Variants in CBFA2T2 observed in about 807,000 individuals in gnomAD.
CBFA2T2 encodes CBFA2/RUNX1 partner transcriptional co-repressor 2.
CBFA2T2 carries 11 observed loss-of-function variants against 62.2 expected under a neutral mutation model. That is an observed-to-expected ratio of 0.18 (90% CI 0.11 to 0.29). The LOEUF is 0.29. CBFA2T2 is among the 10% of genes least tolerant of loss of function. CBFA2T2 has a pLI of 1.00. For synonymous variants in CBFA2T2, 295 were observed against 287.5 expected (o/e 1.03, Z -0.27); for missense variants, 592 against 774.1 (o/e 0.76, Z 2.79).
intron 1 of CBFA2T2, among the ~76,000 whole-genome samples, chr20:33,550,397 T>C (rs2012705936): frequency 6.6e-6 from 1 of 152,196 alleles, no homozygotes. Flanking sequence ...CCTATTTTAA[T>C]TAAATGGAGG....
chr20:33,523,903 C>T (rs1357476381), intron 1 of CBFA2T2, among the ~76,000 whole-genome samples: 1 of 152,086 alleles, frequency 6.6e-6, no homozygotes, highest in African/African-American at 2.4e-5. Flanking sequence ...AGACTGATCT[C>T]GAACTCCTGA....
At chr20:33,546,845 G>C (rs1324706660) in intron 1 of CBFA2T2, among the ~76,000 whole-genome samples, 1 of 151,078 alleles carries the variant, frequency 6.6e-6, no homozygotes, top group Non-Finnish European at 1.5e-5. Context: ...CAAAAGAAAA[G>C]AAAAATAACT....
rs1452348131 is a variant in CBFA2T2 at position 33,648,416 on chromosome 20, G to A, written c.*3770G>A. 6.6e-6 allele frequency: 1 copy of A among 152,302 alleles called. No individual in the cohort carries two copies. The highest frequency in any genetic ancestry group is 1.9e-4 in the East Asian group (1 of 5,186). The allele number at this position is 152,302 out of a possible 1,614,324, so 9.4% of individuals were successfully genotyped here. On this transcript the variant is annotated 3_prime_UTR_variant, in exon 11 of 11. Transcript: ENST00000342704. The stretch of plus-strand genomic sequence containing the variant: ...GCCAGATGTCCCCAGAGTTTCTTGA[G>A]GGCTGGGTTTCACGTCTTTGCTTGT...
intron 1 of CBFA2T2, among the ~76,000 whole-genome samples, chr20:33,567,525 TATA>T (rs2013377213): frequency 1.3e-5 from 2 of 152,208 alleles, no homozygotes; most frequent in African/African-American, 2.4e-5. Context: ...TTATAATTGT[TATA>T]ATGTTTTATT....
chr20:33,566,434 C>T (rs2013313552), intron 1 of CBFA2T2, among the ~76,000 whole-genome samples: 2 of 151,956 alleles, frequency 1.3e-5, no homozygotes, highest in African/African-American at 4.8e-5. Context: ...GGCGAAACCC[C>T]ATCTCTACTA....
At chr20:33,614,144 A>G (rs2015622777) in intron 3 of CBFA2T2, among the ~76,000 whole-genome samples, 1 of 152,180 alleles carries the variant, frequency 6.6e-6, no homozygotes, top group South Asian at 2.1e-4. Context: ...ATTTGTAAAA[A>G]ATTTGAATCT....
chr20:33,602,453 A>C (rs1473214411), intron 1 of CBFA2T2, among the ~76,000 whole-genome samples: 1 of 148,228 alleles, frequency 6.7e-6, no homozygotes, highest in African/African-American at 2.6e-5. Flanking sequence ...AAAAAAAAAA[A>C]CTCAAAAGCA....
At chr20:33,589,422 G>C (rs935976354) in intron 1 of CBFA2T2, among the ~76,000 whole-genome samples, 15 of 152,184 alleles carry the variant, frequency 9.9e-5, no homozygotes, top group African/African-American at 3.4e-4. Flanking sequence ...AGTTAAGAGA[G>C]TTACCTTTAT....
At chr20:33,569,735 A>G (rs1009314711) in intron 1 of CBFA2T2, among the ~76,000 whole-genome samples, 31 of 152,232 alleles carry the variant, frequency 2.0e-4, no homozygotes, top group Admixed American at 4.6e-4. Context: ...AGTTTACAGC[A>G]TTTTAAATTA....
Position 33,562,340 on chromosome 20 carries a change from G to A in CBFA2T2, c.35-44616G>A, listed in dbSNP as rs887774916. 1.5e-5 allele frequency: 15 copies of A among 978,344 alleles called. No homozygotes were observed. In the African/African-American group the frequency reaches 2.6e-4, roughly 17 times the overall value. The allele number at this position is 978,344 out of a possible 1,614,324, so 60.6% of individuals were successfully genotyped here. On this transcript the variant is annotated intron_variant, in intron 1 of 10. Coordinates refer to ENST00000342704, the MANE Select transcript of CBFA2T2 (RefSeq NM_001032999.3). ...CCTGGTAACAGGGAGGGTTGGAAGG[G>A]TAGTGGAGAGAGAGGAAGCAGGAGG... is the stretch of plus-strand genomic sequence containing the variant.
chr20:33,499,147 A>G (rs143969428), intron 1 of CBFA2T2, among the ~76,000 whole-genome samples: 112 of 152,346 alleles, frequency 7.4e-4, no homozygotes, highest in Middle Eastern at 3.4e-3. Context: ...GGCAGGAAGA[A>G]TGGTTTAAAT....
chr20:33,577,833 C>T (rs2013898580), intron 1 of CBFA2T2, among the ~76,000 whole-genome samples: 1 of 152,064 alleles, frequency 6.6e-6, no homozygotes, highest in Non-Finnish European at 1.5e-5. Context: ...CTTCTACTGT[C>T]TTAGTGTCAT....
chr20:33,511,915 C>G (rs1437556185), intron 1 of CBFA2T2, among the ~76,000 whole-genome samples: 3 of 151,984 alleles, frequency 2.0e-5, no homozygotes, highest in South Asian at 2.1e-4. Flanking sequence ...CAGTGGCTTA[C>G]GCCTGTAATC....
At chr20:33,520,668 G>A (rs1447654429) in intron 1 of CBFA2T2, among the ~76,000 whole-genome samples, 2 of 152,096 alleles carry the variant, frequency 1.3e-5, no homozygotes, top group Admixed American at 1.3e-4. Context: ...CTACTTGGGA[G>A]GTTGAGCCAG....
intron 1 of CBFA2T2, among the ~76,000 whole-genome samples, chr20:33,537,290 G>A (rs930617706): frequency 5.3e-5 from 8 of 152,258 alleles, no homozygotes; most frequent in African/African-American, 1.7e-4. Flanking sequence ...CTGGAGACCA[G>A]CCCGGCCAAC....
At chr20:33,530,783 A>G (rs1187063017) in intron 1 of CBFA2T2, among the ~76,000 whole-genome samples, 2 of 151,988 alleles carry the variant, frequency 1.3e-5, no homozygotes, top group African/African-American at 4.8e-5. Context: ...TGCGTGTTCC[A>G]TGAAAATAAA....
intron 1 of CBFA2T2, among the ~76,000 whole-genome samples, chr20:33,547,768 G>C (rs2146882623): frequency 6.6e-6 from 1 of 151,236 alleles, no homozygotes; most frequent in East Asian, 1.9e-4. Flanking sequence ...AAAATTAGGT[G>C]TATATTATAA....
chr20:33,595,521 T>C (rs2014847396), intron 1 of CBFA2T2, among the ~76,000 whole-genome samples: 2 of 151,988 alleles, frequency 1.3e-5, no homozygotes, highest in African/African-American at 4.8e-5. Context: ...AAAAATCTTA[T>C]ACGGTACTTG....
chr20:33,513,930 G>A (rs191667102), intron 1 of CBFA2T2, among the ~76,000 whole-genome samples: 70 of 151,120 alleles, frequency 4.6e-4, no homozygotes, highest in African/African-American at 1.5e-3. Context: ...GTTTTGAGAG[G>A]GGGTCTTTTG....
Sources: allele counts gnomAD v4.1 joint callset (sites outside exome capture counted in the v4.1 genomes callset), GRCh38; gene constraint gnomAD v4.1.1; transcripts MANE v1.5; gene names NCBI Gene and HGNC (gene_info 2026-07-23, HGNC 2026-07-21).